SSH2: variants seen among roughly 807,000 people sequenced by gnomAD.
SSH2 encodes the protein protein phosphatase Slingshot homolog 2.
A neutral mutation model predicts 135.2 loss-of-function variants in SSH2; 37 were observed. The observed-to-expected ratio is 0.27, with a 90% confidence interval of 0.21 to 0.36. The LOEUF is 0.36. SSH2 is among the 10% of genes least tolerant of loss of function. SSH2 has a pLI of 1.00. For synonymous variants in SSH2, 628 were observed against 646.2 expected (o/e 0.97, Z 0.43); for missense variants, 1,408 against 1,765.3 (o/e 0.80, Z 3.63).
intron 1 of SSH2, among the ~76,000 whole-genome samples, chr17:29,853,214 G>C (rs142124147): frequency 1.5e-4 from 23 of 151,214 alleles, no homozygotes; most frequent in Non-Finnish European, 3.2e-4. Context: ...AGCCTCCCGA[G>C]TAGCTGGGAC....
At chr17:29,717,423 A>G (rs1160204918) in intron 3 of SSH2, among the ~76,000 whole-genome samples, 2 of 152,252 alleles carry the variant, frequency 1.3e-5, no homozygotes, top group Non-Finnish European at 2.9e-5. Flanking sequence ...GGTGTGAGCC[A>G]CTGCGCTCAG....
chr17:29,701,519 C>T (rs925273217), intron 4 of SSH2, among the ~76,000 whole-genome samples: 1 of 151,708 alleles, frequency 6.6e-6, no homozygotes, highest in Non-Finnish European at 1.5e-5. Context: ...AAGTGACCCT[C>T]CCACCTCAGC....
intron 14 of SSH2, chr17:29,643,284 C>T (rs925685305): frequency 7.1e-6 from 7 of 985,176 alleles, no homozygotes; most frequent in African/African-American, 1.7e-5. Context: ...AGATTGCAGA[C>T]CCTAACAGCT....
At chr17:29,812,739 A>C (rs918846792) in intron 2 of SSH2, among the ~76,000 whole-genome samples, 2 of 151,494 alleles carry the variant, frequency 1.3e-5, no homozygotes, top group Non-Finnish European at 2.9e-5. Flanking sequence ...AAATATAAAA[A>C]TTTAGCTGGG....
At position 29,856,953 on chromosome 17, in the gene SSH2, T is replaced by C. The variant is rs867016297; in HGVS notation, c.64-8024A>G. ...ATTTACCCATGATTCAATTACCTCC[T>C]ACCGGGTCCCTCCCACAACATGTCG... On this transcript the variant is annotated intron_variant, in intron 1 of 15. Transcript: ENST00000540801. Among the ~76,000 whole-genome samples, 9 of 152,288 alleles carry C rather than the reference T, an allele frequency of 5.9e-5. No individual in the cohort carries two copies. In the Middle Eastern group the frequency reaches 0.01, roughly 173 times the overall value.
At chr17:29,865,381 G>A (rs1599112961) in intron 1 of SSH2, among the ~76,000 whole-genome samples, 1 of 152,288 alleles carries the variant, frequency 6.6e-6, no homozygotes, top group East Asian at 1.9e-4. Flanking sequence ...TCCCCAGCAG[G>A]AAAGCTTTAC....
At chr17:29,819,363 C>T (rs2042614664) in intron 2 of SSH2, among the ~76,000 whole-genome samples, 1 of 152,034 alleles carries the variant, frequency 6.6e-6, no homozygotes. Context: ...TAAACAATGC[C>T]TTGAACAGCC....
At chr17:29,811,152 C>T (rs2042434721) in intron 2 of SSH2, among the ~76,000 whole-genome samples, 1 of 151,940 alleles carries the variant, frequency 6.6e-6, no homozygotes, top group Non-Finnish European at 1.5e-5. Context: ...CGCACCACCA[C>T]ACCTGGCTAA....
At chr17:29,728,179 T>C (rs1204419388) in intron 3 of SSH2, among the ~76,000 whole-genome samples, 2 of 152,230 alleles carry the variant, frequency 1.3e-5, no homozygotes, top group South Asian at 2.1e-4. Context: ...ACCAAAAAAC[T>C]ATTAGAACTG....
chr17:29,817,021 A>G (rs2042570456), intron 2 of SSH2, among the ~76,000 whole-genome samples: 1 of 152,214 alleles, frequency 6.6e-6, no homozygotes, highest in Admixed American at 6.5e-5. Flanking sequence ...CTCCCTCACT[A>G]ATATAAATCT....
intron 5 of SSH2, among the ~76,000 whole-genome samples, chr17:29,690,929 C>T (rs550620523): frequency 6.6e-6 from 1 of 151,660 alleles, no homozygotes; most frequent in African/African-American, 2.4e-5. Flanking sequence ...CACACACACA[C>T]ACACAGACAC....
intron 1 of SSH2, among the ~76,000 whole-genome samples, chr17:29,882,677 G>A (rs1020376995): frequency 7.9e-5 from 12 of 152,084 alleles, no homozygotes; most frequent in Non-Finnish European, 1.5e-4. Flanking sequence ...GCTTGAACCC[G>A]GGGGGTGGAG....
rs2035609814 is a variant in SSH2 at position 29,630,184 on chromosome 17, T to C, written c.*657A>G. On this transcript the variant is annotated 3_prime_UTR_variant, in exon 16 of 16. Transcript: ENST00000540801. ...GATTTCATTTGGGGTCCTGTTTTAA[T>C]TTCAAAAATAATTTTCTTGGGAAAA... 1 of 152,212 alleles carries C rather than the reference T, an allele frequency of 6.6e-6. No homozygotes were observed. The highest frequency in any genetic ancestry group is 2.4e-5 in the African/African-American group (1 of 41,464). The allele number at this position is 152,212 out of a possible 1,614,324, so 9.4% of individuals were successfully genotyped here.
chr17:29,847,942 T>C (rs553483777), intron 2 of SSH2, among the ~76,000 whole-genome samples: 5 of 152,192 alleles, frequency 3.3e-5, no homozygotes, highest in Non-Finnish European at 7.4e-5. Context: ...CGAGTATATA[T>C]ACAGTTGCCA....
chr17:29,761,481 G>C (rs1241293831), intron 3 of SSH2: 1 of 986,080 alleles, frequency 1.0e-6, no homozygotes, highest in Non-Finnish European at 1.2e-6. Flanking sequence ...GGGCGGGACG[G>C]GCGGGTCCTG....
chr17:29,879,663 A>G (rs940583049), intron 1 of SSH2, among the ~76,000 whole-genome samples: 2 of 152,206 alleles, frequency 1.3e-5, no homozygotes, highest in Non-Finnish European at 2.9e-5. Context: ...ATACTCCCCA[A>G]ATCAAACAAA....
intron 2 of SSH2, among the ~76,000 whole-genome samples, chr17:29,836,055 C>A (rs183405546): frequency 6.6e-6 from 1 of 150,970 alleles, no homozygotes; most frequent in African/African-American, 2.4e-5. Flanking sequence ...TTTATAATGC[C>A]TCTTCTGAAA....
In SSH2 at chr17:29,804,293, T is replaced by C. The variant is rs574534164; in HGVS notation, c.145-10356A>G. Among the ~76,000 whole-genome samples the C allele has an allele frequency of 3.3e-5, 5 of 152,334 alleles. No individual in the cohort carries two copies. The East Asian group carries it at 9.6e-4, about 29-fold the overall frequency. Reference sequence around the variant, plus strand: ...CAATAGAAAACCTCTGTGAGACACCTACTATTTCTCTAGTGTTTCTTTTAA... The same window carrying C: ...CAATAGAAAACCTCTGTGAGACACCCACTATTTCTCTAGTGTTTCTTTTAA... On this transcript the variant is annotated intron_variant, in intron 2 of 15. Transcript: ENST00000540801.
At chr17:29,762,418 C>G (rs2041345598) in intron 3 of SSH2, among the ~76,000 whole-genome samples, 1 of 152,126 alleles carries the variant, frequency 6.6e-6, no homozygotes, top group South Asian at 2.1e-4. Context: ...GGGATTTAGA[C>G]GTATTTTTCA....
Sources: gnomAD v4.1 joint callset for allele counts (sites outside exome capture counted in the v4.1 genomes callset) on GRCh38, gnomAD v4.1.1 for gene constraint, MANE v1.5 for transcripts, NCBI Gene and HGNC (gene_info 2026-07-23, HGNC 2026-07-21) for gene names.